Variants in CELF2 observed in about 807,000 individuals in gnomAD.
The protein encoded by CELF2 is CUGBP Elav-like family member 2, also known as CUG triplet repeat RNA-binding protein 2.
CELF2 carries 8 observed loss-of-function variants against 62.6 expected under a neutral mutation model. The observed-to-expected ratio is 0.13, with a 90% CI of 0.07 to 0.23. The LOEUF is 0.23. Ranked by LOEUF, CELF2 falls within the 10% of genes least tolerant of loss-of-function variation. The pLI is 1.00. For synonymous variants in CELF2, 258 were observed against 250.0 expected (o/e 1.03, Z -0.30); for missense variants, 333 against 671.0 (o/e 0.50, Z 5.56).
Position 11,247,874 on chromosome 10 carries a change from T to C in CELF2, c.355-1279T>C, listed in dbSNP as rs1306947660. On this transcript the variant is annotated intron_variant, in intron 3 of 12. Transcript: ENST00000633077. The surrounding 1 kb of genome is among the most constrained non-coding windows in gnomAD (Gnocchi z 5.4). ...ATGGCTTTCCACAGGTGACTTGTCC[T>C]GCTTTTGAAGAGGCAGCTCACTTAG... is the stretch of plus-strand genomic sequence containing the variant. Among the ~76,000 whole-genome samples, 1 of 152,218 alleles carries C rather than the reference T, an allele frequency of 6.6e-6. No homozygotes were observed. The highest frequency in any genetic ancestry group is 6.5e-5 in the Admixed American group (1 of 15,290).
the CELF2 span, among the ~76,000 whole-genome samples, chr10:10,464,078 A>T: frequency 1.3e-4 from 20 of 151,972 alleles, no homozygotes; most frequent in African/African-American, 4.6e-4. Context: ...TATTCTATCT[A>T]ATTGTGTCGC....
chr10:10,563,764 T>A, the CELF2 span, among the ~76,000 whole-genome samples: 1 of 152,158 alleles, frequency 6.6e-6, no homozygotes, highest in Non-Finnish European at 1.5e-5. Context: ...TTCTATGTAA[T>A]GTGTATTCTG....
At chr10:11,158,086 A>T (rs1264772143) in intron 1 of CELF2, among the ~76,000 whole-genome samples, 1 of 152,218 alleles carries the variant, frequency 6.6e-6, no homozygotes, top group East Asian at 1.9e-4. Flanking sequence ...TCTTCATCTT[A>T]TCATTTTACA....
At chr10:11,036,592 A>T (rs2060983891) in intron 1 of CELF2, among the ~76,000 whole-genome samples, 2 of 152,212 alleles carry the variant, frequency 1.3e-5, no homozygotes. Context: ...TCCTAGATAA[A>T]TAAATGGGAA....
At chr10:10,816,216 G>A (rs569112288) in intron 1 of CELF2, among the ~76,000 whole-genome samples, 3 of 152,248 alleles carry the variant, frequency 2.0e-5, no homozygotes, top group Admixed American at 1.3e-4. Flanking sequence ...GCCAGTCCTG[G>A]AAAGTGGCTG....
the CELF2 span, among the ~76,000 whole-genome samples, chr10:10,485,698 GT>G: frequency 6.6e-6 from 1 of 152,156 alleles, no homozygotes; most frequent in Non-Finnish European, 1.5e-5. Flanking sequence ...AGAATGCTTT[GT>G]GTTTATATAG....
the CELF2 span, among the ~76,000 whole-genome samples, chr10:10,473,516 T>C: frequency 6.6e-6 from 1 of 152,040 alleles, no homozygotes; most frequent in Non-Finnish European, 1.5e-5. Flanking sequence ...CATATACCCT[T>C]AGCAAGTTTT....
the CELF2 span, among the ~76,000 whole-genome samples, chr10:10,732,160 G>A: frequency 2.0e-5 from 3 of 152,102 alleles, no homozygotes; most frequent in Non-Finnish European, 4.4e-5. Context: ...TGGCAGGGAG[G>A]GCTAGGGACT....
chr10:11,151,008 A>G (rs1440807543), intron 1 of CELF2, among the ~76,000 whole-genome samples: 1 of 152,012 alleles, frequency 6.6e-6, no homozygotes, highest in Non-Finnish European at 1.5e-5. Context: ...ATGTTGTGAG[A>G]TCATAAAAAG....
chr10:10,984,369 A>T (rs2052498854), intron 2 of CELF2, among the ~76,000 whole-genome samples: 1 of 152,148 alleles, frequency 6.6e-6, no homozygotes, highest in Admixed American at 6.5e-5. Flanking sequence ...TGAAATAGCT[A>T]TTTTGCTTTG....
At chr10:10,913,840 A>T (rs2064050123) in intron 1 of CELF2, among the ~76,000 whole-genome samples, 1 of 137,988 alleles carries the variant, frequency 7.2e-6, no homozygotes, top group African/African-American at 2.7e-5. Flanking sequence ...GGAAGGAAGG[A>T]AGGAAGGAGG....
intron 1 of CELF2, among the ~76,000 whole-genome samples, chr10:11,141,337 G>C (rs1250905854): frequency 2.6e-5 from 4 of 152,184 alleles, no homozygotes; most frequent in African/African-American, 9.7e-5. Flanking sequence ...GGAAGGGTGA[G>C]TTCAGCACAT....
the CELF2 span, among the ~76,000 whole-genome samples, chr10:10,686,902 T>C: frequency 6.6e-6 from 1 of 152,176 alleles, no homozygotes; most frequent in Admixed American, 6.5e-5. Context: ...AGCCTTATCT[T>C]CTTATATGTG....
chr10:10,965,033 A>T (rs2136057841), intron 2 of CELF2, among the ~76,000 whole-genome samples: 1 of 152,312 alleles, frequency 6.6e-6, no homozygotes, highest in African/African-American at 2.4e-5. Flanking sequence ...ATATTTACAT[A>T]TACAATTCAA....
At chr10:11,026,976 TTGTC>T (rs1460379687) in intron 1 of CELF2, among the ~76,000 whole-genome samples, 4 of 152,300 alleles carry the variant, frequency 2.6e-5, no homozygotes, top group Admixed American at 1.3e-4. Context: ...ATGGATGTCT[TTGTC>T]TGGGCCAGCT....
In CELF2 at chr10:11,306,765, C is replaced by G. The variant is rs185904758; in HGVS notation, c.977-7374C>G. ...CTCCCTCCTTTTCTTCACCGTCTCC[C>G]CAACTTTCTACTGGGACCGTCTAAG... On this transcript the variant is annotated intron_variant, in intron 9 of 12. Transcript: ENST00000633077. The surrounding 1 kb of genome is among the most constrained non-coding windows in gnomAD (Gnocchi z 4.4). Among the ~76,000 whole-genome samples, 2 of 152,058 alleles carry G rather than the reference C, an allele frequency of 1.3e-5. No homozygotes were observed. Among genetic ancestry groups the G allele is most frequent in the African/African-American group, 4.8e-5 (2 of 41,380 alleles).
At chr10:10,991,242 G>T (rs1309927750) in intron 2 of CELF2, among the ~76,000 whole-genome samples, 2 of 152,182 alleles carry the variant, frequency 1.3e-5, no homozygotes, top group African/African-American at 4.8e-5. Context: ...ATGTGTATAT[G>T]TGTGTGCTGT....
chr10:10,903,421 T>G (rs1437222110), intron 1 of CELF2, among the ~76,000 whole-genome samples: 3 of 152,210 alleles, frequency 2.0e-5, no homozygotes, highest in African/African-American at 7.2e-5. Context: ...AGAATTCTAT[T>G]AATGATGGAA....
At chr10:10,691,454 C>T in the CELF2 span, among the ~76,000 whole-genome samples, 2 of 148,020 alleles carry the variant, frequency 1.4e-5, no homozygotes, top group African/African-American at 5.0e-5. Context: ...GTGAATAATG[C>T]CACAATAAAC....
Sources: gnomAD v4.1 joint callset for allele counts (sites outside exome capture counted in the v4.1 genomes callset) on GRCh38, gnomAD v4.1.1 for gene constraint, Gnocchi (gnomAD v3.1) non-coding constraint, MANE v1.5 for transcripts, NCBI Gene and HGNC (gene_info 2026-07-23, HGNC 2026-07-21) for gene names.